SCEL: variants seen among roughly 807,000 people sequenced by gnomAD.
SCEL encodes sciellin.
Under a neutral mutation model 117.6 loss-of-function variants are expected in SCEL, and 113 were observed. That is an observed-to-expected ratio of 0.96 (90% CI 0.83 to 1.12). SCEL has a LOEUF of 1.12. Among genes scored for constraint, SCEL ranks in the 50% most tolerant of loss-of-function variants. The pLI is 0.00. For missense variants in SCEL, 785 were observed against 810.8 expected (o/e 0.97, Z 0.39); for synonymous variants, 270 against 256.2 (o/e 1.05, Z -0.51).
chr13:77,636,864 G>A (rs537437018), intron 29 of SCEL, among the ~76,000 whole-genome samples: 1 of 152,116 alleles, frequency 6.6e-6, no homozygotes, highest in East Asian at 1.9e-4. Context: ...GAAAGATGAG[G>A]ACTTCTTTTC....
At position 77,535,743 on chromosome 13, in the gene SCEL, T is replaced by G. The variant is rs1183425226; in HGVS notation, c.-101T>G. ...AGACTCCACTGAATAAACTCTAGGT[T>G]CCCATTTCTTTCAGCCAGATCCTCC... On this transcript the variant is annotated 5_prime_UTR_variant, in exon 1 of 33. Coordinates refer to ENST00000349847, the MANE Select transcript of SCEL (RefSeq NM_144777.3). The G allele has an allele frequency of 6.6e-6, 1 of 152,156 alleles. No individual in the cohort carries two copies. The highest frequency in any genetic ancestry group is 6.5e-5 in the Admixed American group (1 of 15,280). The allele number at this position is 152,156 out of a possible 1,614,324, so 9.4% of individuals were successfully genotyped here. A position where few individuals can be genotyped will look rare whatever the true frequency, so the allele number is the denominator to read the frequency against.
intron 1 of SCEL, among the ~76,000 whole-genome samples, chr13:77,544,696 G>T (rs2083899409): frequency 6.6e-6 from 1 of 152,292 alleles, no homozygotes; most frequent in South Asian, 2.1e-4. Flanking sequence ...TGTTATTAGA[G>T]ATAGAAAATA....
Position 77,610,757 on chromosome 13 carries a change from CCTT to C in SCEL, c.1337+659_1337+661del, listed in dbSNP as rs556954562. ...CTTCATATGATAAAAAATTCTTCCT[CCTT>C]CTTCTTCCATCATGTATTACCTCTC... is the stretch of plus-strand genomic sequence containing the variant. On this transcript the variant is annotated intron_variant, in intron 22 of 32. Coordinates refer to ENST00000349847, the MANE Select transcript of SCEL (RefSeq NM_144777.3). 4.6e-5 allele frequency among the ~76,000 whole-genome samples: 7 copies of C among 152,258 alleles called. No individual in the cohort carries two copies. The South Asian group carries it at 1.2e-3, about 27-fold the overall frequency.
rs542960909 is a variant in SCEL, at chr13:77,605,960, C to G, written c.1157+1545C>G. ...CGAGATGGTGCCACCACCACTCCAG[C>G]CTGGGCGACAGAGTGAGACTCTGTC... On this transcript the variant is annotated intron_variant, in intron 19 of 32. Coordinates refer to ENST00000349847, the MANE Select transcript of SCEL (RefSeq NM_144777.3). Among the ~76,000 whole-genome samples the G allele has an allele frequency of 2.4e-3, 361 of 152,286 alleles. 3 individuals carry two copies. Among genetic ancestry groups the G allele is most frequent in the Non-Finnish European group, 4.4e-3 (302 of 68,016 alleles).
rs1017857660 is a variant in SCEL at position 77,644,775 on chromosome 13, C to CA, written c.*506dup. On this transcript the variant is annotated 3_prime_UTR_variant, in exon 33 of 33. Coordinates refer to ENST00000349847, the MANE Select transcript of SCEL (RefSeq NM_144777.3). ...GTTAACATAAAAAGTTTATATACCT[C>CA]AAAAATCACTAAACTTTCCAGATCT... The CA allele has an allele frequency of 3.9e-5, 6 of 152,614 alleles. No homozygotes were observed. Among genetic ancestry groups the CA allele is most frequent in the African/African-American group, 1.4e-4 (6 of 41,450 alleles). 9.5% of individuals were successfully genotyped at this position (152,614 alleles called of 1,614,324 possible). A position where few individuals can be genotyped will look rare whatever the true frequency, so the allele number is the denominator to read the frequency against.
At chr13:77,580,968 A>G (rs1050777750) in intron 9 of SCEL, among the ~76,000 whole-genome samples, 1 of 152,036 alleles carries the variant, frequency 6.6e-6, no homozygotes, top group Admixed American at 6.5e-5. Context: ...TGCCATGGCA[A>G]CCTTGCACTA....
At chr13:77,585,395 G>A (rs1352938557) in intron 9 of SCEL, among the ~76,000 whole-genome samples, 2 of 152,164 alleles carry the variant, frequency 1.3e-5, no homozygotes, top group Admixed American at 6.5e-5. Flanking sequence ...CCACAGCGGG[G>A]AGAGAATATG....
chr13:77,542,655 T>A lies in SCEL; in HGVS notation c.-20+6831T>A, dbSNP rs2083769067. 3.3e-5 allele frequency among the ~76,000 whole-genome samples: 5 copies of A among 152,344 alleles called. No individual in the cohort carries two copies. In the South Asian group the frequency reaches 1.0e-3, roughly 32 times the overall value. On this transcript the variant is annotated intron_variant, in intron 1 of 32. Transcript: ENST00000349847. Reference sequence around the variant, plus strand: ...TGTGTATTCAGGCTAAACACAGTTGTTTGTTTCTGAGAGACTATTTAAAAA... The same window carrying A: ...TGTGTATTCAGGCTAAACACAGTTGATTGTTTCTGAGAGACTATTTAAAAA...
At chr13:77,572,660 T>A (rs1214713484) in intron 9 of SCEL, among the ~76,000 whole-genome samples, 1 of 152,238 alleles carries the variant, frequency 6.6e-6, no homozygotes, top group Non-Finnish European at 1.5e-5. Context: ...ACCTGATCGC[T>A]GCCTTCATCT....
intron 27 of SCEL, 91 bp downstream of exon 27, chr13:77,618,151 T>C (rs1048531777): frequency 2.2e-6 from 2 of 919,774 alleles, no homozygotes; most frequent in African/African-American, 3.3e-5. Flanking sequence ...CCTCCCTTCC[T>C]CCCTTACTCC....
At chr13:77,538,412 G>A (rs775851553) in intron 1 of SCEL, among the ~76,000 whole-genome samples, 4 of 152,042 alleles carry the variant, frequency 2.6e-5, no homozygotes, top group African/African-American at 7.2e-5. Flanking sequence ...CAATGCGCCC[G>A]GCCTTAATCA....
rs1050116860 is a variant in SCEL at position 77,569,429 on chromosome 13, A to G, written c.457A>G (p.Thr153Ala). 1.2e-6 allele frequency: 2 copies of G among 1,613,476 alleles called. No homozygotes were observed. Among genetic ancestry groups the G allele is most frequent in the Non-Finnish European group, 1.7e-6 (2 of 1,179,544 alleles). Residue 153 changes from threonine (T) to alanine (A), a missense_variant, in exon 8 of 33, where the codon ACT (threonine) becomes GCT (alanine). Transcript: ENST00000349847. ...TSNTIASTSA[T>A]TPVKKKRQSW... ...CAACACCATAGCATCCACTTCTGCT[A>G]CTACTCCTGTAAAGAAGAAGAGGTA...
At chr13:77,588,416 A>C (rs144289920) in intron 9 of SCEL, among the ~76,000 whole-genome samples, 1 of 152,244 alleles carries the variant, frequency 6.6e-6, no homozygotes, top group East Asian at 1.9e-4. Context: ...CCAGGTACAG[A>C]GTTTATGTTG....
At chr13:77,612,526 G>A (rs1257636917) in intron 22 of SCEL, among the ~76,000 whole-genome samples, 2 of 136,960 alleles carry the variant, frequency 1.5e-5, no homozygotes, top group African/African-American at 5.5e-5. Flanking sequence ...AAGAAGGGGA[G>A]CAAGGAACAT....
chr13:77,611,252 C>T (rs572918583), intron 22 of SCEL, among the ~76,000 whole-genome samples: 13 of 152,114 alleles, frequency 8.5e-5, no homozygotes, highest in Admixed American at 2.0e-4. Context: ...GGCATGGCTG[C>T]GTTTCAATAA....
intron 18 of SCEL, among the ~76,000 whole-genome samples, chr13:77,603,538 G>A (rs1332870370): frequency 2.0e-5 from 3 of 152,174 alleles, no homozygotes; most frequent in South Asian, 2.1e-4. Flanking sequence ...CAGCCCAGGC[G>A]AGGCTGGGCT....
chr13:77,593,539 A>C lies in SCEL; in HGVS notation c.718A>C (p.Lys240Gln). 1 of 1,613,106 alleles carries C rather than the reference A, an allele frequency of 6.2e-7. No homozygotes were observed. Among genetic ancestry groups the C allele is most frequent in the Non-Finnish European group, 8.5e-7 (1 of 1,179,354 alleles). ...GAGTCAGGATCTTGATAACATCGTCAAAGTGGCCACTTCACTTCAGAGAAG... is the reference window on the plus strand; with the variant it reads ...GAGTCAGGATCTTGATAACATCGTCCAAGTGGCCACTTCACTTCAGAGAAG... ...IRSQDLDNIV[K>Q]VATSLQRSDK... The change falls in exon 12 of 33, where the codon AAA becomes CAA. Residue 240 changes from lysine to glutamine, a missense_variant. By Grantham distance (53) the Lys-to-Gln change is moderately conservative. Transcript: ENST00000349847.
intron 27 of SCEL, among the ~76,000 whole-genome samples, chr13:77,619,571 G>A (rs2089295157): frequency 6.6e-6 from 1 of 152,128 alleles, no homozygotes; most frequent in South Asian, 2.1e-4. Context: ...ATGATCAGAT[G>A]TATTTATTCT....
chr13:77,546,238 C>G (rs1374608431), intron 1 of SCEL, among the ~76,000 whole-genome samples: 1 of 152,190 alleles, frequency 6.6e-6, no homozygotes, highest in Non-Finnish European at 1.5e-5. Flanking sequence ...CATCAATCAT[C>G]TGGGACTCCA....
Sources: gnomAD v4.1 joint callset for allele counts (sites outside exome capture counted in the v4.1 genomes callset) on GRCh38, gnomAD v4.1.1 for gene constraint, MANE v1.5 for transcripts, NCBI Gene and HGNC (gene_info 2026-07-23, HGNC 2026-07-21) for gene names.